The following GABRG3 variants were observed in gnomAD, a reference collection of about 807,000 sequenced individuals.
GABRG3 encodes the protein gamma-aminobutyric acid type A receptor subunit gamma3.
Under a neutral mutation model 48.8 loss-of-function variants are expected in GABRG3, and 25 were observed. The ratio of observed to expected loss-of-function variants is 0.51; its 90% CI spans 0.37 to 0.72. The LOEUF (loss-of-function observed/expected upper bound fraction) is 0.72. Ranked by LOEUF, GABRG3 falls within the 30% of genes least tolerant of loss-of-function variation. The probability of loss-of-function intolerance (pLI) is 0.00; values close to 1 mark genes in which losing one functional copy is unlikely to be tolerated. For missense variants in GABRG3, 394 were observed against 577.9 expected, an observed-to-expected ratio of 0.68 and a Z score of 3.26; for synonymous variants, 227 against 217.6, an observed-to-expected ratio of 1.04 and a Z score of -0.38.
chr15:27,495,609 G>A (rs987278351), intron 6 of GABRG3, among the ~76,000 whole-genome samples: 1 of 152,182 alleles, frequency 6.6e-6, no homozygotes. Context: ...GTTCTGAGGA[G>A]AACACAATTC....
intron 3 of GABRG3, among the ~76,000 whole-genome samples, chr15:27,218,649 C>T (rs749351906): frequency 1.3e-5 from 2 of 152,090 alleles, no homozygotes; most frequent in South Asian, 2.1e-4. Flanking sequence ...CTGCTGAGGC[C>T]GAGCTCTGAG....
rs1187746133 is a variant in GABRG3, at chr15:27,160,346, G to GTCTTC, written c.270+133526_270+133530dup. ...TTTATCCTCAGCCACAACCAGAAAGGTCTTCCCCCTTTTATTCTGGAATTT... is the reference window on the plus strand; with the variant it reads ...TTTATCCTCAGCCACAACCAGAAAGGTCTTCTCTTCCCCCTTTTATTCTGGAATTT... On this transcript the variant is annotated intron_variant, in intron 3 of 9. Coordinates refer to ENST00000615808, the MANE Select transcript of GABRG3 (RefSeq NM_033223.5). Among the ~76,000 whole-genome samples, 9 of 152,064 alleles carry GTCTTC rather than the reference G, an allele frequency of 5.9e-5. No homozygotes were observed. The East Asian group carries it at 1.7e-3, about 29-fold the overall frequency.
At chr15:26,991,594 A>G (rs1895248688) in intron 2 of GABRG3, among the ~76,000 whole-genome samples, 1 of 151,842 alleles carries the variant, frequency 6.6e-6, no homozygotes, top group African/African-American at 2.4e-5. Context: ...ATCCTCTTCA[A>G]TTTTTTCATC....
intron 3 of GABRG3, among the ~76,000 whole-genome samples, chr15:27,295,836 G>T (rs1891964551): frequency 6.6e-6 from 1 of 152,188 alleles, no homozygotes; most frequent in Non-Finnish European, 1.5e-5. Context: ...GGGGGAAAGG[G>T]TAAGTGTGAT....
intron 3 of GABRG3, among the ~76,000 whole-genome samples, chr15:27,142,729 A>G (rs1052373412): frequency 4.6e-5 from 7 of 151,638 alleles, no homozygotes; most frequent in Non-Finnish European, 7.4e-5. Flanking sequence ...ACTTCACTTT[A>G]TCCCTTCATG....
chr15:26,989,741 CT>C (rs1225678136), intron 2 of GABRG3, among the ~76,000 whole-genome samples: 1 of 152,056 alleles, frequency 6.6e-6, no homozygotes, highest in Non-Finnish European at 1.5e-5. Context: ...TCTAACTATT[CT>C]TTTATATTCA....
intron 6 of GABRG3, among the ~76,000 whole-genome samples, chr15:27,496,097 C>G (rs944177118): frequency 1.3e-5 from 2 of 152,158 alleles, no homozygotes; most frequent in South Asian, 2.1e-4. Flanking sequence ...AATTTGATTT[C>G]TGCACTAGGC....
chr15:27,302,286 CTA>C (rs761133022), intron 3 of GABRG3, among the ~76,000 whole-genome samples: 9 of 151,966 alleles, frequency 5.9e-5, no homozygotes, highest in Non-Finnish European at 1.3e-4. Context: ...AAGATATTAG[CTA>C]TACATTCCAA....
At chr15:27,448,049 G>T (rs1888994516) in intron 5 of GABRG3, among the ~76,000 whole-genome samples, 1 of 152,042 alleles carries the variant, frequency 6.6e-6, no homozygotes, top group Admixed American at 6.6e-5. Flanking sequence ...CTAGGTCTCT[G>T]GTAACAGAGA....
chr15:27,081,434 AAATATTAATAAATTATTG>A (rs1896990772), intron 3 of GABRG3, among the ~76,000 whole-genome samples: 1 of 145,266 alleles, frequency 6.9e-6, no homozygotes, highest in Non-Finnish European at 1.5e-5. Flanking sequence ...GAAATTTATT[AAATATTAATAAATTATTG>A]AATATTATTA....
chr15:27,113,391 G>A (rs1897588126), intron 3 of GABRG3, among the ~76,000 whole-genome samples: 1 of 152,122 alleles, frequency 6.6e-6, no homozygotes, highest in African/African-American at 2.4e-5. Context: ...TGATAGCCAT[G>A]TATGTGACAA....
chr15:27,434,957 A>C (rs1385192698), intron 5 of GABRG3, among the ~76,000 whole-genome samples: 2 of 152,040 alleles, frequency 1.3e-5, no homozygotes, highest in Non-Finnish European at 2.9e-5. Context: ...CTTCTCTCCA[A>C]TCCAACAGGC....
intron 5 of GABRG3, among the ~76,000 whole-genome samples, chr15:27,449,366 C>G (rs1213535108): frequency 6.6e-6 from 1 of 152,200 alleles, no homozygotes. Flanking sequence ...AAGAGCCCAG[C>G]TCTGCAGAAG....
chr15:27,494,487 G>A (rs59896292), intron 6 of GABRG3, among the ~76,000 whole-genome samples: 6,380 of 151,788 alleles, frequency 0.042, 454 homozygotes, highest in African/African-American at 0.15. Context: ...ATTTTTTGTC[G>A]GGAATTCTAA....
intron 5 of GABRG3, among the ~76,000 whole-genome samples, chr15:27,341,497 C>T (rs1595689699): frequency 6.6e-6 from 1 of 152,144 alleles, no homozygotes; most frequent in Admixed American, 6.5e-5. Flanking sequence ...GAAAATGGAG[C>T]CTGCACACTT....
intron 2 of GABRG3, among the ~76,000 whole-genome samples, chr15:27,016,860 C>T (rs2140671909): frequency 6.6e-6 from 1 of 152,226 alleles, no homozygotes; most frequent in African/African-American, 2.4e-5. Context: ...TTTCTTCTAT[C>T]TGATCAAGTC....
chr15:27,400,377 C>T (rs980788410), intron 5 of GABRG3, among the ~76,000 whole-genome samples: 1 of 152,166 alleles, frequency 6.6e-6, no homozygotes, highest in African/African-American at 2.4e-5. Context: ...ACTTTGCAGT[C>T]ATGTACGAAA....
intron 3 of GABRG3, among the ~76,000 whole-genome samples, chr15:27,167,246 T>C (rs1301813986): frequency 2.6e-5 from 4 of 152,230 alleles, no homozygotes; most frequent in African/African-American, 9.6e-5. Flanking sequence ...TCTTTTCCTC[T>C]CTTTCCACAT....
rs953038912 is a variant in GABRG3 at position 27,315,734 on chromosome 15, A to G, written c.271-11075A>G. Among the ~76,000 whole-genome samples the G allele has an allele frequency of 3.3e-5, 5 of 152,238 alleles. No homozygotes were observed. The South Asian group carries it at 1.0e-3, about 32-fold the overall frequency. On this transcript the variant is annotated intron_variant, in intron 3 of 9. Transcript: ENST00000615808. ...TGGTAACACCATTTTTATAAGATAC[A>G]TTCATTATACAACTGTTCACACTTT...
Sources: gnomAD v4.1 joint callset for allele counts (sites outside exome capture counted in the v4.1 genomes callset) on GRCh38, gnomAD v4.1.1 for gene constraint, MANE v1.5 for transcripts, NCBI Gene and HGNC (gene_info 2026-07-23, HGNC 2026-07-21) for gene names.